PDLIM7: variants seen among roughly 807,000 people sequenced by gnomAD.
PDLIM7 encodes the protein PDZ and LIM domain protein 7.
A neutral mutation model predicts 53.9 loss-of-function variants in PDLIM7; 37 were observed. That is an observed-to-expected ratio of 0.69 (90% confidence interval 0.53 to 0.90). The LOEUF is 0.90. Among genes scored for constraint, PDLIM7 ranks in the 40% least tolerant of loss-of-function variants. PDLIM7 has a pLI of 0.00. For missense variants in PDLIM7, 617 were observed against 638.5 expected, an observed-to-expected ratio of 0.97 and a Z score of 0.36; for synonymous variants, 300 against 261.3, an observed-to-expected ratio of 1.15 and a Z score of -1.43.
chr5:177,484,621 G>A (rs750369458), intron 10 of PDLIM7: 12 of 193,944 alleles, frequency 6.2e-5, no homozygotes, highest in African/African-American at 2.1e-4. Flanking sequence ...CATCTGGCCC[G>A]TGGGACCACA....
chr5:177,488,276 G>A (rs747592988), intron 9 of PDLIM7, 28 bp from the exon 10 acceptor site: 12 of 1,563,306 alleles, frequency 7.7e-6, no homozygotes, highest in Non-Finnish European at 9.5e-6. Context: ...CGGTCAGAGG[G>A]AGCACACGCA....
At chr5:177,490,166 CCAAA>C in intron 7 of PDLIM7, 1 of 1,458,098 alleles carries the variant, frequency 6.9e-7, no homozygotes, top group Non-Finnish European at 9.1e-7. Context: ...ACGGCAGGGC[CCAAA>C]CAGTCCGAAC....
At chr5:177,487,038 G>A (rs759478207) in intron 10 of PDLIM7, among the ~76,000 whole-genome samples, 43 of 128,438 alleles carry the variant, frequency 3.3e-4, no homozygotes, top group East Asian at 7.5e-4. Context: ...AAGATCAAGC[G>A]ATTCTCCTGC....
chr5:177,488,764 C>A (rs1328749281), intron 9 of PDLIM7, among the ~76,000 whole-genome samples: 2 of 152,166 alleles, frequency 1.3e-5, no homozygotes, highest in African/African-American at 4.8e-5. Context: ...GTGGCGGGTG[C>A]CTGTAATCCC....
At chr5:177,485,732 C>T (rs1758406049) in intron 10 of PDLIM7, among the ~76,000 whole-genome samples, 1 of 152,208 alleles carries the variant, frequency 6.6e-6, no homozygotes, top group Admixed American at 6.5e-5. Context: ...CGTCTGTAAT[C>T]CCAGTGCTTT....
chr5:177,487,276 C>T (rs1176691528), intron 10 of PDLIM7, among the ~76,000 whole-genome samples: 1 of 152,182 alleles, frequency 6.6e-6, no homozygotes, highest in African/African-American at 2.4e-5. Context: ...TTTTGCTGGA[C>T]ACATGGGTGC....
chr5:177,486,670 G>A (rs548352428), intron 10 of PDLIM7, among the ~76,000 whole-genome samples: 49 of 152,172 alleles, frequency 3.2e-4, no homozygotes, highest in East Asian at 2.9e-3. Flanking sequence ...CAAGAGTCTC[G>A]CTCTGTCGCC....
chr5:177,496,559 G>C (rs1203431266), intron 1 of PDLIM7, 36 bp from the exon 2 acceptor site: 2 of 1,457,610 alleles, frequency 1.4e-6, no homozygotes, highest in Admixed American at 2.2e-5. Context: ...TGGCCAGCAT[G>C]GTGGGCGGGC....
chr5:177,492,341 C>T (rs1758838358), intron 4 of PDLIM7, 64 bp downstream of exon 4: 17 of 1,582,400 alleles, frequency 1.1e-5, no homozygotes, highest in Non-Finnish European at 1.5e-5. Flanking sequence ...GCCAGGAGGG[C>T]GAGCAGGCCT....
chr5:177,492,284 G>A (rs904981026), intron 4 of PDLIM7, 121 bp downstream of exon 4: 14 of 1,313,994 alleles, frequency 1.1e-5, no homozygotes, highest in Non-Finnish European at 1.4e-5. Context: ...CCTTAGCTCC[G>A]GTTTCTGCCC....
intron 8 of PDLIM7, 36 bp downstream of exon 8, chr5:177,489,735 C>T (rs370920896): frequency 1.3e-5 from 20 of 1,497,428 alleles, no homozygotes; most frequent in Non-Finnish European, 2.7e-6. Context: ...TGGAGGCTGC[C>T]CACCCTTGCC....
intron 9 of PDLIM7, among the ~76,000 whole-genome samples, chr5:177,489,091 T>C (rs1758607844): frequency 6.6e-6 from 1 of 152,184 alleles, no homozygotes; most frequent in African/African-American, 2.4e-5. Flanking sequence ...GCAGACGCGC[T>C]GGGAGGGGGC....
At position 177,483,735 on chromosome 5, in the gene PDLIM7, G is replaced by A. The variant is rs1185261242; in HGVS notation, c.1288-5C>T. On this transcript the variant is annotated splice_region_variant and splice_polypyrimidine_tract_variant and intron_variant, in intron 12 of 12. Transcript: ENST00000355841. ...TTCCAGGTTGATCTGACATATCTAA[G>A]GACAGCAAAGGCCCAGTCACATGGG... is the stretch of plus-strand genomic sequence containing the variant. 2 of 1,610,224 alleles carry A rather than the reference G, an allele frequency of 1.2e-6. No homozygotes were observed. Among genetic ancestry groups the A allele is most frequent in the Admixed American group, 1.7e-5 (1 of 59,970 alleles).
intron 7 of PDLIM7, chr5:177,490,539 C>T (rs868351650): frequency 6.4e-7 from 1 of 1,567,268 alleles, no homozygotes; most frequent in Non-Finnish European, 8.6e-7. Flanking sequence ...GCTGGTGGTG[C>T]CAGTCCCGGA....
intron 2 of PDLIM7, among the ~76,000 whole-genome samples, chr5:177,496,208 G>A (rs924654112): frequency 2.0e-5 from 3 of 152,216 alleles, no homozygotes; most frequent in African/African-American, 4.8e-5. Context: ...CGGGTACAGT[G>A]CAGGGCTGGA....
At chr5:177,496,604 C>T (rs1014951824) in intron 1 of PDLIM7, 81 bp from the exon 2 acceptor site, 3 of 957,828 alleles carry the variant, frequency 3.1e-6, no homozygotes, top group African/African-American at 3.4e-5. Flanking sequence ...GGATACCAGC[C>T]TTGGACAGGG....
intron 7 of PDLIM7, 166 bp downstream of exon 7, chr5:177,490,704 A>C: frequency 1.1e-6 from 1 of 905,206 alleles, no homozygotes. Flanking sequence ...GAAGGAAGGA[A>C]GGAGGAAGGG....
intron 5 of PDLIM7, chr5:177,491,414 T>A: frequency 6.5e-7 from 1 of 1,544,588 alleles, no homozygotes. Context: ...TTGTCAGGGG[T>A]CTGCACCTGT....
intron 6 of PDLIM7, 37 bp from the exon 7 acceptor site, chr5:177,490,943 A>G (rs766248213): frequency 6.2e-7 from 1 of 1,613,940 alleles, no homozygotes; most frequent in South Asian, 1.1e-5. Flanking sequence ...CAAAAAAGAC[A>G]CAGGGTCAGG....
Sources: gnomAD v4.1 joint callset for allele counts (sites outside exome capture counted in the v4.1 genomes callset) on GRCh38, gnomAD v4.1.1 for gene constraint, MANE v1.5 for transcripts, NCBI Gene and HGNC (gene_info 2026-07-23, HGNC 2026-07-21) for gene names.